PGAP1: variants seen among roughly 807,000 people sequenced by gnomAD.
PGAP1 encodes the protein post-GPI attachment to proteins inositol deacylase 1.
In PGAP1, 76 loss-of-function variants were observed where a neutral mutation model predicts 127.0. The observed-to-expected ratio is 0.60, with a 90% CI of 0.50 to 0.72. PGAP1 has a LOEUF of 0.72. PGAP1 is among the 30% of genes least tolerant of loss of function. The pLI is 0.00. For synonymous variants in PGAP1, 362 were observed against 366.5 expected, an observed-to-expected ratio of 0.99 and a Z score of 0.14; for missense variants, 982 against 1,071.3, an observed-to-expected ratio of 0.92 and a Z score of 1.16.
rs761400450 is a variant in PGAP1 at position 196,926,476 on chromosome 2, C to T, written c.141G>A (p.Glu47=). 3 of 1,613,992 alleles carry T rather than the reference C, an allele frequency of 1.9e-6. No homozygotes were observed. Among genetic ancestry groups the T allele is most frequent in the African/African-American group, 2.7e-5 (2 of 74,882 alleles). The change falls in exon 1 of 27, where the codon GAG becomes GAA. Residue 47 remains glutamate (E), a synonymous_variant. Transcript: ENST00000354764. ...GGAGAGGGCAGAACCTTACCTGATA[C>T]TCCGGGTACTCAAACATGTAGCTCA... ...CSMSYMFEYP[E]YQKIELPKKL... is the part of the protein sequence containing the mutation.
chr2:196,902,808 TACAG>T, intron 4 of PGAP1, 66 bp from the exon 5 acceptor site: 1 of 1,157,418 alleles, frequency 8.6e-7, no homozygotes, highest in South Asian at 1.6e-5. Flanking sequence ...AAGATATCTA[TACAG>T]TAATATTAAT....
intron 4 of PGAP1, among the ~76,000 whole-genome samples, chr2:196,911,682 C>T (rs1576193224): frequency 1.4e-5 from 2 of 143,286 alleles, no homozygotes; most frequent in Non-Finnish European, 1.5e-5. Context: ...TATACATTTA[C>T]TAACCAGAAA....
intron 3 of PGAP1, among the ~76,000 whole-genome samples, chr2:196,915,051 C>T (rs1702960025): frequency 6.6e-6 from 1 of 152,106 alleles, no homozygotes; most frequent in African/African-American, 2.4e-5. Context: ...AATTATTAAT[C>T]CTCATCTTAT....
At chr2:196,880,487 G>C (rs1701697018) in intron 12 of PGAP1, among the ~76,000 whole-genome samples, 1 of 151,788 alleles carries the variant, frequency 6.6e-6, no homozygotes, top group African/African-American at 2.4e-5. Flanking sequence ...TTGGTTATTT[G>C]TTACATATAG....
At chr2:196,879,652 G>A (rs1358455413) in intron 13 of PGAP1, among the ~76,000 whole-genome samples, 11 of 152,038 alleles carry the variant, frequency 7.2e-5, no homozygotes, top group South Asian at 2.1e-4. Context: ...CCAAGGTTGC[G>A]CCACTGCACT....
chr2:196,854,254 G>A (rs1393219264), intron 20 of PGAP1, among the ~76,000 whole-genome samples: 1 of 151,700 alleles, frequency 6.6e-6, no homozygotes, highest in Admixed American at 6.6e-5. Flanking sequence ...TTTTCTAGTT[G>A]GGCCCCTGAA....
chr2:196,834,611 A>G lies in PGAP1; in HGVS notation c.*6623T>C, dbSNP rs976250548. 3.9e-5 allele frequency: 6 copies of G among 152,388 alleles called. No individual in the cohort carries two copies. The highest frequency in any genetic ancestry group is 3.3e-4 in the Admixed American group (5 of 15,270). The allele number at this position is 152,388 out of a possible 1,614,324, so 9.4% of individuals were successfully genotyped here. A position where few individuals can be genotyped will look rare whatever the true frequency, so the allele number is the denominator to read the frequency against. On this transcript the variant is annotated 3_prime_UTR_variant, in exon 27 of 27. Coordinates refer to ENST00000354764, the MANE Select transcript of PGAP1 (RefSeq NM_024989.4). ...TACAATCACTTCAAAATAATATGTC[A>G]TTTTTATATTTTTAAAAATGTAAAT...
Position 196,844,411 on chromosome 2 carries a change from T to C in PGAP1, c.2337+113A>G. ...ATTAGGTTCACTTTACTTAAATTCATAATACTGTATCTTTTAAGCACTATG... is the reference window on the plus strand; with the variant it reads ...ATTAGGTTCACTTTACTTAAATTCACAATACTGTATCTTTTAAGCACTATG... On this transcript the variant is annotated intron_variant, in intron 24 of 26. Transcript: ENST00000354764. 11 of 663,476 alleles carry C rather than the reference T, an allele frequency of 1.7e-5. No individual in the cohort carries two copies. In the South Asian group the frequency reaches 2.8e-4, roughly 17 times the overall value. 41.1% of individuals were successfully genotyped at this position (663,476 alleles called of 1,614,324 possible).
rs1428655216 is a variant in PGAP1, at chr2:196,837,493, C to A, written c.*3741G>T. 1 of 152,018 alleles carries A rather than the reference C, an allele frequency of 6.6e-6. No individual in the cohort carries two copies. The highest frequency in any genetic ancestry group is 2.4e-5 in the African/African-American group (1 of 41,378). The allele number at this position is 152,018 out of a possible 1,614,324, so 9.4% of individuals were successfully genotyped here. On this transcript the variant is annotated 3_prime_UTR_variant, in exon 27 of 27. Transcript: ENST00000354764. The stretch of plus-strand genomic sequence containing the variant: ...AAAATTAAAAAGTCAGGCACAGTGG[C>A]ATGTACCTGTAGTCTCACCTGCTGT...
At chr2:196,879,975 T>C (rs1360831342) in intron 13 of PGAP1, 101 bp downstream of exon 13, 11 of 806,864 alleles carry the variant, frequency 1.4e-5, no homozygotes, top group Non-Finnish European at 2.1e-5. Context: ...AACTGGCTAC[T>C]GTTTTAGATA....
chr2:196,851,144 C>T (rs1700705577), intron 20 of PGAP1, among the ~76,000 whole-genome samples: 1 of 137,978 alleles, frequency 7.2e-6, no homozygotes, highest in Non-Finnish European at 1.5e-5. Flanking sequence ...AATGGAGTCA[C>T]TGTTTTTTTG....
intron 12 of PGAP1, among the ~76,000 whole-genome samples, chr2:196,882,931 G>T (rs1168974636): frequency 1.3e-5 from 2 of 152,100 alleles, no homozygotes; most frequent in Non-Finnish European, 2.9e-5. Flanking sequence ...GTCTTGTGCT[G>T]GTTTTCAAGG....
At position 196,893,135 on chromosome 2, in the gene PGAP1, C is replaced by T. The variant is rs779872976; in HGVS notation, c.1033+5G>A. 6.6e-7 allele frequency: 1 copy of T among 1,524,394 alleles called. No individual in the cohort carries two copies. The highest frequency in any genetic ancestry group is 9.1e-7 in the Non-Finnish European group (1 of 1,103,314). 94.4% of individuals were successfully genotyped at this position (1,524,394 alleles called of 1,614,324 possible). On this transcript the variant is annotated splice_donor_5th_base_variant and intron_variant, in intron 8 of 26. Transcript: ENST00000354764. ...TTAAAATTAAAATATGTTATTGTCA[C>T]CAACCTGTTAAGTCAGAAATTATAG...
rs1700273211 is a variant in PGAP1, at chr2:196,837,603, G to C, written c.*3631C>G. The C allele has an allele frequency of 6.6e-6, 1 of 152,166 alleles. No individual in the cohort carries two copies. The highest frequency in any genetic ancestry group is 1.5e-5 in the Non-Finnish European group (1 of 68,044). The allele number at this position is 152,166 out of a possible 1,614,324, so 9.4% of individuals were successfully genotyped here. ...ACCGCCCCATTGGACTCCAGCCTGGGTGACAGAATGAGACTCTGTTTCTAA... is the reference window on the plus strand; with the variant it reads ...ACCGCCCCATTGGACTCCAGCCTGGCTGACAGAATGAGACTCTGTTTCTAA... On this transcript the variant is annotated 3_prime_UTR_variant, in exon 27 of 27. Transcript: ENST00000354764.
rs1208315836 is a variant in PGAP1 at position 196,833,847 on chromosome 2, T to A, written c.*7387A>T. ...TTAATATAAATTATATCCATTATTTTAAATAAGCACAGTAAAAATGCAAGT... is the reference window on the plus strand; with the variant it reads ...TTAATATAAATTATATCCATTATTTAAAATAAGCACAGTAAAAATGCAAGT... On this transcript the variant is annotated 3_prime_UTR_variant, in exon 27 of 27. Transcript: ENST00000354764. 1.3e-5 allele frequency: 2 copies of A among 152,054 alleles called. No homozygotes were observed. Among genetic ancestry groups the A allele is most frequent in the Non-Finnish European group, 2.9e-5 (2 of 67,946 alleles). The allele number at this position is 152,054 out of a possible 1,614,324, so 9.4% of individuals were successfully genotyped here.
intron 5 of PGAP1, 42 bp downstream of exon 5, chr2:196,902,543 C>G (rs746026016): frequency 6.6e-7 from 1 of 1,523,592 alleles, no homozygotes; most frequent in Non-Finnish European, 9.0e-7. Context: ...TCCACTGGGT[C>G]TATTACATTA....
intron 16 of PGAP1, 82 bp downstream of exon 16, chr2:196,873,446 T>C (rs866134072): frequency 1.5e-4 from 136 of 911,028 alleles, no homozygotes; most frequent in Middle Eastern, 3.4e-4. Flanking sequence ...AGAATAAGTA[T>C]TATAGAAAAT....
chr2:196,855,584 T>C (rs1700856108), intron 20 of PGAP1, among the ~76,000 whole-genome samples: 1 of 152,184 alleles, frequency 6.6e-6, no homozygotes, highest in African/African-American at 2.4e-5. Flanking sequence ...TGACTTCTAT[T>C]TGAAATGTTG....
chr2:196,877,996 A>G (rs1456794490), intron 13 of PGAP1, among the ~76,000 whole-genome samples: 3 of 152,140 alleles, frequency 2.0e-5, no homozygotes, highest in Non-Finnish European at 2.9e-5. Context: ...GGGACTCTGG[A>G]AAAGGGAAAA....
Sources: gnomAD v4.1 joint callset for allele counts (sites outside exome capture counted in the v4.1 genomes callset) on GRCh38, gnomAD v4.1.1 for gene constraint, MANE v1.5 for transcripts, NCBI Gene and HGNC (gene_info 2026-07-23, HGNC 2026-07-21) for gene names.